The following SNX2 variants were observed in gnomAD, a reference collection of about 807,000 sequenced individuals.
SNX2 encodes sorting nexin-2.
Under a neutral mutation model 69.9 loss-of-function variants are expected in SNX2, and 25 were observed. The observed-to-expected ratio is 0.36, with a 90% confidence interval of 0.26 to 0.50. The LOEUF (loss-of-function observed/expected upper bound fraction) is 0.50, where lower values mean the gene tolerates loss of function less well. Among genes scored for constraint, SNX2 ranks in the 20% least tolerant of loss-of-function variants. The pLI is 0.97. For synonymous variants in SNX2, 229 were observed against 200.4 expected (o/e 1.14, Z -1.20); for missense variants, 551 against 613.3 (o/e 0.90, Z 1.07).
chr5:122,806,201 A>G (rs939288463), intron 6 of SNX2, among the ~76,000 whole-genome samples: 2 of 149,048 alleles, frequency 1.3e-5, no homozygotes, highest in Non-Finnish European at 3.0e-5. Context: ...TCAGGCAACT[A>G]CAGATAATAC....
Position 122,779,818 on chromosome 5 carries a change from G to A in SNX2, c.108+4607G>A, listed in dbSNP as rs1752931868. On this transcript the variant is annotated intron_variant, in intron 1 of 14. Transcript: ENST00000379516. ...AGGTAAATGTGTGCCATGGTGGTTT[G>A]CTGCTCCTATCAACCCATCACCTAG... Among the ~76,000 whole-genome samples the A allele has an allele frequency of 2.6e-5, 4 of 152,098 alleles. No homozygotes were observed. In the South Asian group the frequency reaches 8.3e-4, roughly 32 times the overall value.
chr5:122,782,071 T>C (rs186022044), intron 1 of SNX2, among the ~76,000 whole-genome samples: 8 of 152,298 alleles, frequency 5.3e-5, no homozygotes, highest in Non-Finnish European at 1.2e-4. Flanking sequence ...GCTAAACATT[T>C]ACCAGCACAA....
rs550444779 is a variant in SNX2, at chr5:122,815,140, T to C, written c.723-756T>C. Among the ~76,000 whole-genome samples the C allele has an allele frequency of 4.0e-4, 61 of 152,336 alleles. 1 individual carries two copies. The highest frequency in any genetic ancestry group is 1.4e-3 in the African/African-American group (58 of 41,580). ...CTTTTATGAAGTCATGATTGGTAAT[T>C]TATTATGGGTGACAGGCACATGTGA... On this transcript the variant is annotated intron_variant, in intron 7 of 14. Coordinates refer to ENST00000379516, the MANE Select transcript of SNX2 (RefSeq NM_003100.4).
chr5:122,793,357 A>G lies in SNX2; in HGVS notation c.109-1909A>G, dbSNP rs1411409670. 2.0e-5 allele frequency among the ~76,000 whole-genome samples: 3 copies of G among 152,204 alleles called. No homozygotes were observed. The East Asian group carries it at 5.8e-4, about 29-fold the overall frequency. ...TACATACATAGTAACATTAGGGCCA[A>G]AAACCAAACACAAAAAATAAGTACC... On this transcript the variant is annotated intron_variant, in intron 1 of 14. Transcript: ENST00000379516.
intron 1 of SNX2, among the ~76,000 whole-genome samples, chr5:122,790,400 C>T (rs1190518521): frequency 2.6e-5 from 4 of 152,066 alleles, no homozygotes; most frequent in African/African-American, 2.4e-5. Flanking sequence ...AGATTACAGG[C>T]GTGAGCCACC....
In SNX2 at chr5:122,775,204, C is replaced by G. The variant is rs140520570; in HGVS notation, c.101C>G (p.Thr34Ser). 1.3e-6 allele frequency: 2 copies of G among 1,571,888 alleles called. No homozygotes were observed. Among genetic ancestry groups the G allele is most frequent in the Non-Finnish European group, 1.7e-6 (2 of 1,159,692 alleles). Residue 34 changes from threonine to serine, a missense_variant, in exon 1 of 15, where the codon ACC (threonine) becomes AGC (serine). By Grantham distance (58) the Thr-to-Ser change is moderately conservative. This residue lies in a region of SNX2 where 191 missense variants were observed against 162.9 expected (regional missense o/e 1.17). Transcript: ENST00000379516. ...GACCTGTTCACCAGCACTGTCTCCA[C>G]CCTAGAGGTGAGACCGCGTCGCTGC... ...GEDLFTSTVS[T>S]LESSPSSPEP...
intron 1 of SNX2, among the ~76,000 whole-genome samples, chr5:122,776,231 C>T (rs995767928): frequency 2.6e-5 from 4 of 152,110 alleles, no homozygotes; most frequent in African/African-American, 4.8e-5. Context: ...TTGGAAATTA[C>T]TGTAAAATAT....
chr5:122,817,499 G>T, intron 10 of SNX2, 126 bp downstream of exon 10: 2 of 615,792 alleles, frequency 3.2e-6, no homozygotes, highest in East Asian at 3.2e-5. Flanking sequence ...TTAAGACAAT[G>T]TTTTCTAGTT....
chr5:122,829,512 AT>A (rs905226410), intron 14 of SNX2, 85 bp from the exon 15 acceptor site: 509 of 1,051,838 alleles, frequency 4.8e-4, no homozygotes, highest in East Asian at 5.5e-4. Flanking sequence ...GCTTATGTAG[AT>A]TTTTTTTTAA....
intron 1 of SNX2, among the ~76,000 whole-genome samples, chr5:122,784,684 G>A (rs985793654): frequency 7.2e-5 from 11 of 152,012 alleles, no homozygotes; most frequent in African/African-American, 2.4e-4. Flanking sequence ...CTGTGTTCAC[G>A]ACAGATATTT....
chr5:122,828,788 C>T (rs937858150), intron 14 of SNX2, among the ~76,000 whole-genome samples: 14 of 152,048 alleles, frequency 9.2e-5, no homozygotes, highest in African/African-American at 2.7e-4. Context: ...AATATATTGA[C>T]GGACTTCAGA....
intron 1 of SNX2, among the ~76,000 whole-genome samples, chr5:122,786,130 A>G (rs1753081967): frequency 6.6e-6 from 1 of 152,108 alleles, no homozygotes; most frequent in African/African-American, 2.4e-5. Flanking sequence ...TTTATTGATG[A>G]TAATATTTCT....
intron 1 of SNX2, among the ~76,000 whole-genome samples, chr5:122,779,177 CAT>C (rs1223353381): frequency 6.6e-6 from 1 of 152,056 alleles, no homozygotes; most frequent in Non-Finnish European, 1.5e-5. Context: ...ATTTATATAT[CAT>C]ATAATTTACC....
At chr5:122,777,093 C>T (rs1371864272) in intron 1 of SNX2, among the ~76,000 whole-genome samples, 1 of 151,858 alleles carries the variant, frequency 6.6e-6, no homozygotes, top group Non-Finnish European at 1.5e-5. Context: ...TCCTAGTATA[C>T]CAAAACTGCT....
rs771698698 is a variant in SNX2 at position 122,830,619 on chromosome 5, T to C, written c.*971T>C. On this transcript the variant is annotated 3_prime_UTR_variant, in exon 15 of 15. Transcript: ENST00000379516. ...TAAGCAAGCACAACACAAAGCAAAT[T>C]TGAAGTAAACTGAAATTTAGTTTGC... Among the ~76,000 whole-genome samples the C allele has an allele frequency of 6.6e-6, 1 of 152,114 alleles. No individual in the cohort carries two copies. Among genetic ancestry groups the C allele is most frequent in the Non-Finnish European group, 1.5e-5 (1 of 68,014 alleles).
rs1753561351 is a variant in SNX2, at chr5:122,803,536, G to T, written c.566G>T (p.Gly189Val). The change falls in exon 6 of 15, where the codon GGT (glycine) becomes GTT (valine). Residue 189 changes from glycine (G) to valine (V), a missense_variant. Gly to Val is a moderately radical substitution (Grantham distance 109). This residue lies in a region of SNX2 where 360 missense variants were observed against 450.4 expected (regional missense o/e 0.80). Transcript: ENST00000379516. ...AAAAGAAGATTCAGCGACTTTCTTG[G>T]TTTGCACAGCAAATTAGCAAGCAAA... is the stretch of plus-strand genomic sequence containing the variant. ...SVKRRFSDFL[G>V]LHSKLASKYL... 6.2e-7 allele frequency: 1 copy of T among 1,612,560 alleles called. No homozygotes were observed. The highest frequency in any genetic ancestry group is 1.7e-5 in the Admixed American group (1 of 59,864).
chr5:122,818,004 C>T (rs1029407056), intron 10 of SNX2, among the ~76,000 whole-genome samples: 1 of 151,766 alleles, frequency 6.6e-6, no homozygotes, highest in Admixed American at 6.6e-5. Context: ...ATTTAATAAG[C>T]AAATAATATG....
intron 1 of SNX2, among the ~76,000 whole-genome samples, chr5:122,787,499 G>C (rs1401051102): frequency 1.3e-5 from 2 of 151,984 alleles, no homozygotes; most frequent in African/African-American, 4.8e-5. Context: ...CAGCCTGGGG[G>C]ACAGAGCAAG....
intron 7 of SNX2, among the ~76,000 whole-genome samples, chr5:122,812,144 A>G (rs1753792307): frequency 6.6e-6 from 1 of 152,224 alleles, no homozygotes; most frequent in Admixed American, 6.5e-5. Context: ...ACTTTAATAC[A>G]GAACTTTACA....
Sources: allele counts gnomAD v4.1 joint callset (sites outside exome capture counted in the v4.1 genomes callset), GRCh38; gene constraint gnomAD v4.1.1; regional missense constraint gnomAD v4.1.1; transcripts MANE v1.5; gene names NCBI Gene and HGNC (gene_info 2026-07-23, HGNC 2026-07-21).